Variants in SORCS1 observed in about 807,000 individuals in gnomAD.
SORCS1 encodes sortilin related VPS10 domain containing receptor 1.
In SORCS1, 60 loss-of-function variants were observed where a neutral mutation model predicts 146.1. That is an observed-to-expected ratio of 0.41 (90% CI 0.33 to 0.51). SORCS1 has a LOEUF of 0.51. Among genes scored for constraint, SORCS1 ranks in the 20% least tolerant of loss-of-function variants. The probability of loss-of-function intolerance (pLI) is 0.21; values close to 1 mark genes in which losing one functional copy is unlikely to be tolerated. For missense variants in SORCS1, 1,352 were observed against 1,487.6 expected (o/e 0.91, Z 1.50); for synonymous variants, 637 against 584.0 (o/e 1.09, Z -1.31).
chr10:106,842,329 G>C (rs1489550762), intron 2 of SORCS1, among the ~76,000 whole-genome samples: 1 of 152,002 alleles, frequency 6.6e-6, no homozygotes, highest in African/African-American at 2.4e-5. Context: ...CATTTCCCAG[G>C]TTCAAGTGAT....
At chr10:107,090,369 T>C (rs575767484) in intron 1 of SORCS1, among the ~76,000 whole-genome samples, 21 of 152,318 alleles carry the variant, frequency 1.4e-4, no homozygotes, top group Non-Finnish European at 2.2e-4. Flanking sequence ...GTTTCCCTTA[T>C]GTGACTAATC....
At chr10:106,681,031 C>T (rs1023918880) in intron 10 of SORCS1, among the ~76,000 whole-genome samples, 1 of 152,118 alleles carries the variant, frequency 6.6e-6, no homozygotes, top group Non-Finnish European at 1.5e-5. Flanking sequence ...ATTGGTTTTG[C>T]ATAAAAATTT....
intron 13 of SORCS1, among the ~76,000 whole-genome samples, 153 bp downstream of exon 13, chr10:106,677,160 T>C (rs1339824254): frequency 6.6e-6 from 1 of 152,230 alleles, no homozygotes; most frequent in African/African-American, 2.4e-5. Flanking sequence ...ATTGGCTTTT[T>C]GTGTGGAGAG....
chr10:106,654,054 T>C (rs998669273), intron 17 of SORCS1, among the ~76,000 whole-genome samples: 5 of 152,190 alleles, frequency 3.3e-5, no homozygotes, highest in African/African-American at 1.2e-4. Context: ...TTCCTCTCTC[T>C]CTTTCTGCTT....
intron 19 of SORCS1, among the ~76,000 whole-genome samples, chr10:106,622,932 A>T (rs1278611307): frequency 6.6e-6 from 1 of 152,190 alleles, no homozygotes; most frequent in African/African-American, 2.4e-5. Flanking sequence ...TCAGGTAAAT[A>T]TGTCCCAGGC....
chr10:107,097,222 T>C (rs187735669), intron 1 of SORCS1, among the ~76,000 whole-genome samples: 112 of 152,336 alleles, frequency 7.4e-4, no homozygotes, highest in Non-Finnish European at 1.4e-3. Context: ...AATTTGTGAT[T>C]TATTTTTAAC....
intron 1 of SORCS1, among the ~76,000 whole-genome samples, chr10:107,088,618 C>A (rs945395228): frequency 1.3e-5 from 2 of 152,224 alleles, no homozygotes; most frequent in African/African-American, 4.8e-5. Flanking sequence ...GCTCTGATCG[C>A]TACTGCTGGA....
intron 6 of SORCS1, among the ~76,000 whole-genome samples, chr10:106,716,575 A>G (rs114077607): frequency 1.5e-3 from 234 of 152,298 alleles, no homozygotes; most frequent in African/African-American, 5.2e-3. Flanking sequence ...TCTAAACAGC[A>G]TGCTTAACTC....
chr10:107,122,388 C>T (rs1165023574), intron 1 of SORCS1, among the ~76,000 whole-genome samples: 3 of 152,170 alleles, frequency 2.0e-5, no homozygotes. Context: ...AAGAGTTCCA[C>T]TCCAATGTCA....
chr10:106,736,681 T>A (rs1247625974), intron 5 of SORCS1, among the ~76,000 whole-genome samples: 1 of 134,636 alleles, frequency 7.4e-6, no homozygotes, highest in Non-Finnish European at 1.6e-5. Flanking sequence ...GCCTGAGGTC[T>A]CGTCTGCGTC....
At chr10:107,040,699 G>A (rs1256916446) in intron 1 of SORCS1, among the ~76,000 whole-genome samples, 1 of 152,178 alleles carries the variant, frequency 6.6e-6, no homozygotes, top group Non-Finnish European at 1.5e-5. Context: ...TTGTTGTAAG[G>A]ATTACATAAG....
chr10:107,104,046 T>C (rs912527413), intron 1 of SORCS1, among the ~76,000 whole-genome samples: 15 of 152,218 alleles, frequency 9.9e-5, no homozygotes, highest in Admixed American at 9.2e-4. Flanking sequence ...AACCCAACTG[T>C]ATTAAGCTTC....
chr10:106,579,058 C>G (rs1187834110), intron 25 of SORCS1: 38 of 1,610,164 alleles, frequency 2.4e-5, no homozygotes, highest in Non-Finnish European at 3.1e-5. Flanking sequence ...GCCTACTCAG[C>G]CGAACAGCTG....
At chr10:107,012,750 C>T (rs1032823086) in intron 1 of SORCS1, among the ~76,000 whole-genome samples, 6 of 152,148 alleles carry the variant, frequency 3.9e-5, no homozygotes, top group Non-Finnish European at 8.8e-5. Flanking sequence ...GACCCTTTTC[C>T]TCCATCACTT....
chr10:107,020,162 T>A (rs990423063), intron 1 of SORCS1, among the ~76,000 whole-genome samples: 3 of 152,172 alleles, frequency 2.0e-5, no homozygotes, highest in Non-Finnish European at 4.4e-5. Flanking sequence ...AAAAACAAGA[T>A]ATGAATAGGA....
At chr10:106,767,583 G>T (rs1484332774) in intron 4 of SORCS1, among the ~76,000 whole-genome samples, 1 of 152,076 alleles carries the variant, frequency 6.6e-6, no homozygotes, top group East Asian at 1.9e-4. Flanking sequence ...CTGCCTCCAG[G>T]GTTCAAGAGA....
intron 1 of SORCS1, among the ~76,000 whole-genome samples, chr10:106,989,287 A>G (rs1956638358): frequency 7.3e-6 from 1 of 137,628 alleles, no homozygotes; most frequent in Non-Finnish European, 1.7e-5. Flanking sequence ...AAAAAAAAAA[A>G]AAAAAAAAAA....
intron 1 of SORCS1, among the ~76,000 whole-genome samples, chr10:107,079,053 G>A (rs533363910): frequency 9.2e-5 from 14 of 152,202 alleles, no homozygotes; most frequent in South Asian, 6.2e-4. Context: ...GTGAAACCAC[G>A]TCTCTACTAA....
At chr10:106,994,215 A>C (rs984250376) in intron 1 of SORCS1, among the ~76,000 whole-genome samples, 4 of 152,184 alleles carry the variant, frequency 2.6e-5, no homozygotes, top group Non-Finnish European at 4.4e-5. Context: ...AACCTGCATG[A>C]TACTGAAATT....
Sources: gnomAD v4.1 joint callset for allele counts (sites outside exome capture counted in the v4.1 genomes callset) on GRCh38, gnomAD v4.1.1 for gene constraint, MANE v1.5 for transcripts, NCBI Gene and HGNC (gene_info 2026-07-23, HGNC 2026-07-21) for gene names.